IGSF21: variants seen among roughly 807,000 people sequenced by gnomAD.
IGSF21 encodes the protein immunoglobin superfamily member 21.
Under a neutral mutation model 46.8 loss-of-function variants are expected in IGSF21, and 28 were observed. The ratio of observed to expected loss-of-function variants is 0.60; its 90% CI spans 0.44 to 0.82. The LOEUF is 0.82. Ranked by LOEUF, IGSF21 falls within the 40% of genes least tolerant of loss-of-function variation. The pLI is 0.00. For synonymous variants in IGSF21, 284 were observed against 273.6 expected (o/e 1.04, Z -0.38); for missense variants, 624 against 665.5 (o/e 0.94, Z 0.69).
At chr1:18,304,097 G>A (rs1206894012) in intron 3 of IGSF21, among the ~76,000 whole-genome samples, 3 of 152,136 alleles carry the variant, frequency 2.0e-5, no homozygotes, top group East Asian at 1.9e-4. Context: ...GGCAGCACTC[G>A]CTGATGGGCT....
At chr1:18,228,431 G>C (rs984127720) in intron 2 of IGSF21, among the ~76,000 whole-genome samples, 10 of 152,194 alleles carry the variant, frequency 6.6e-5, no homozygotes, top group Admixed American at 5.2e-4. Flanking sequence ...AAATCACAGA[G>C]ATAGTCTGCC....
chr1:18,336,707 TCTC>T (rs2085770427), intron 4 of IGSF21, among the ~76,000 whole-genome samples: 1 of 152,192 alleles, frequency 6.6e-6, no homozygotes, highest in Non-Finnish European at 1.5e-5. Context: ...AGCAGGTTAT[TCTC>T]CTACTGTGGC....
chr1:18,214,668 C>T (rs1400175166), intron 1 of IGSF21, among the ~76,000 whole-genome samples: 1 of 152,114 alleles, frequency 6.6e-6, no homozygotes, highest in African/African-American at 2.4e-5. Context: ...GGGGAAGCAA[C>T]GTATATCTTA....
At chr1:18,236,932 G>A (rs2124514349) in intron 2 of IGSF21, among the ~76,000 whole-genome samples, 1 of 152,298 alleles carries the variant, frequency 6.6e-6, no homozygotes, top group East Asian at 1.9e-4. Flanking sequence ...TAGCTAGAGT[G>A]GGCTGAGGGG....
chr1:18,169,074 C>A (rs1459775830), intron 1 of IGSF21, among the ~76,000 whole-genome samples: 1 of 152,214 alleles, frequency 6.6e-6, no homozygotes, highest in Non-Finnish European at 1.5e-5. Context: ...CCTAGGAGCA[C>A]CCACTTGGCA....
Position 18,108,109 on chromosome 1 carries a change from G to A in IGSF21, c.-20G>A. ...CCTCCACCCCCGCCGCCCCGCCACC[G>A]CCGCCAGCTCCCGGGCACCATGCGA... On this transcript the variant is annotated 5_prime_UTR_variant, in exon 1 of 10. Transcript: ENST00000251296. 6 of 1,257,708 alleles carry A rather than the reference G, an allele frequency of 4.8e-6. No homozygotes were observed. Among genetic ancestry groups the A allele is most frequent in the South Asian group, 1.6e-5 (1 of 61,692 alleles). 77.9% of individuals were successfully genotyped at this position (1,257,708 alleles called of 1,614,324 possible).
At chr1:18,129,126 G>A (rs547299616) in intron 1 of IGSF21, among the ~76,000 whole-genome samples, 182 of 152,300 alleles carry the variant, frequency 1.2e-3, no homozygotes, top group African/African-American at 4.2e-3. Flanking sequence ...AATCGATACT[G>A]TAAGAGGGAG....
At chr1:18,180,898 T>G (rs571164772) in intron 1 of IGSF21, among the ~76,000 whole-genome samples, 1 of 152,288 alleles carries the variant, frequency 6.6e-6, no homozygotes, top group South Asian at 2.1e-4. Context: ...GGATCAGGGA[T>G]TTGAAATCAA....
At chr1:18,352,876 C>T (rs1285274607) in intron 4 of IGSF21, among the ~76,000 whole-genome samples, 4 of 152,178 alleles carry the variant, frequency 2.6e-5, no homozygotes, top group Non-Finnish European at 5.9e-5. Flanking sequence ...GGATGACGCC[C>T]GCAGCCACTG....
At position 18,155,053 on chromosome 1, in the gene IGSF21, T is replaced by G. The variant is rs540988553; in HGVS notation, c.70+46855T>G. Among the ~76,000 whole-genome samples, 6 of 152,206 alleles carry G rather than the reference T, an allele frequency of 3.9e-5. 1 individual carries two copies. Among genetic ancestry groups the G allele is most frequent in the South Asian group, 4.1e-4 (2 of 4,828 alleles). ...TAGTCAAGAGGCCAGCGCTACTAGA[T>G]TCACACTTCCTCCAGGCAGCCTTCC... On this transcript the variant is annotated intron_variant, in intron 1 of 9. Coordinates refer to ENST00000251296, the MANE Select transcript of IGSF21 (RefSeq NM_032880.5).
intron 2 of IGSF21, among the ~76,000 whole-genome samples, chr1:18,281,949 C>A (rs1223716878): frequency 6.6e-6 from 1 of 152,110 alleles, no homozygotes; most frequent in African/African-American, 2.4e-5. Context: ...TGCTTCGGAG[C>A]AAAGAGCCTG....
Position 18,225,085 on chromosome 1 carries a change from T to TCTCTCTCTCTCTCTCTCTCACACACA in IGSF21, c.71-2812_71-2811insTCTCTCTCTCTCTCTCTCACACACAC. 2.4e-3 allele frequency among the ~76,000 whole-genome samples: 124 copies of TCTCTCTCTCTCTCTCTCTCACACACA among 51,560 alleles called. 1 individual carries two copies. Among genetic ancestry groups the TCTCTCTCTCTCTCTCTCTCACACACA allele is most frequent in the Admixed American group, 8.3e-3 (40 of 4,804 alleles). The allele number at this position is 51,560 out of a possible 152,430, so 33.8% of individuals were successfully genotyped here. A position where few individuals can be genotyped will look rare whatever the true frequency, so the allele number is the denominator to read the frequency against. ...GTATCTCTCTCTCTCTCTCTCTCTC[T>TCTCTCTCTCTCTCTCTCTCACACACA]CACACACACACACACACACACACAC... is the stretch of plus-strand genomic sequence containing the variant. On this transcript the variant is annotated intron_variant, in intron 1 of 9. Coordinates refer to ENST00000251296, the MANE Select transcript of IGSF21 (RefSeq NM_032880.5).
At chr1:18,189,797 G>T (rs1204228021) in intron 1 of IGSF21, among the ~76,000 whole-genome samples, 1 of 152,182 alleles carries the variant, frequency 6.6e-6, no homozygotes, top group Non-Finnish European at 1.5e-5. Context: ...AAGCTTGCCT[G>T]CCATTCGCTT....
In IGSF21 at chr1:18,335,169, C is replaced by T. The variant is rs1453678753; in HGVS notation, c.424+159C>T. Among the ~76,000 whole-genome samples, 2 of 152,206 alleles carry T rather than the reference C, an allele frequency of 1.3e-5. No individual in the cohort carries two copies. Among genetic ancestry groups the T allele is most frequent in the Admixed American group, 6.5e-5 (1 of 15,282 alleles). On this transcript the variant is annotated intron_variant, in intron 4 of 9. Coordinates refer to ENST00000251296, the MANE Select transcript of IGSF21 (RefSeq NM_032880.5). This position sits in a 1 kb window ranked among gnomAD's most constrained non-coding sequence, Gnocchi z 4.8. ...CCTGCTCTTGTTGTGGAGGGGCAAC[C>T]AGACCAAGCTGAGCCAAGGTGTGAC... is the stretch of plus-strand genomic sequence containing the variant.
chr1:18,259,495 C>G (rs1337749661), intron 2 of IGSF21, among the ~76,000 whole-genome samples: 2 of 152,176 alleles, frequency 1.3e-5, no homozygotes, highest in Non-Finnish European at 1.5e-5. Flanking sequence ...GGTTTGGCCT[C>G]CATAAAGTTC....
intron 1 of IGSF21, among the ~76,000 whole-genome samples, chr1:18,181,876 A>T (rs1417035954): frequency 6.6e-6 from 1 of 152,098 alleles, no homozygotes; most frequent in Non-Finnish European, 1.5e-5. Flanking sequence ...AGACACTGAG[A>T]GGGACGGCGG....
At chr1:18,267,213 C>T (rs1001549301) in intron 2 of IGSF21, among the ~76,000 whole-genome samples, 2 of 152,202 alleles carry the variant, frequency 1.3e-5, no homozygotes, top group African/African-American at 4.8e-5. Context: ...TCATTGTACA[C>T]TGAGGACCAG....
intron 1 of IGSF21, among the ~76,000 whole-genome samples, chr1:18,190,183 TC>T (rs2086941753): frequency 6.6e-6 from 1 of 152,198 alleles, no homozygotes. Flanking sequence ...CCCTGCCTCT[TC>T]CCTCAATTCA....
chr1:18,286,281 A>C (rs896621111), intron 2 of IGSF21, among the ~76,000 whole-genome samples: 1 of 152,186 alleles, frequency 6.6e-6, no homozygotes, highest in African/African-American at 2.4e-5. Flanking sequence ...CCTGTCTGCA[A>C]ATGGGGATCA....
Sources: gnomAD v4.1 joint callset for allele counts (sites outside exome capture counted in the v4.1 genomes callset) on GRCh38, gnomAD v4.1.1 for gene constraint, Gnocchi (gnomAD v3.1) non-coding constraint, MANE v1.5 for transcripts, NCBI Gene and HGNC (gene_info 2026-07-23, HGNC 2026-07-21) for gene names.